PTPRM: variants seen among roughly 807,000 people sequenced by gnomAD.
PTPRM encodes protein tyrosine phosphatase receptor type M.
PTPRM carries 47 observed loss-of-function variants against 186.7 expected under a neutral mutation model. That is an observed-to-expected ratio of 0.25 (90% CI 0.20 to 0.32). The LOEUF is 0.32. Ranked by LOEUF, PTPRM falls within the 10% of genes least tolerant of loss-of-function variation. PTPRM has a pLI of 1.00. For synonymous variants in PTPRM, 668 were observed against 674.9 expected, an observed-to-expected ratio of 0.99 and a Z score of 0.16; for missense variants, 1,494 against 1,865.0, an observed-to-expected ratio of 0.80 and a Z score of 3.66.
intron 1 of PTPRM, among the ~76,000 whole-genome samples, chr18:7,736,406 G>C (rs556604171): frequency 6.6e-6 from 1 of 152,020 alleles, no homozygotes; most frequent in African/African-American, 2.4e-5. Context: ...TGCAACCTCC[G>C]CCTTCTGGGC....
At chr18:8,352,496 T>C (rs2095539461) in intron 23 of PTPRM, among the ~76,000 whole-genome samples, 1 of 152,184 alleles carries the variant, frequency 6.6e-6, no homozygotes, top group Non-Finnish European at 1.5e-5. Flanking sequence ...GTGCCGTGTA[T>C]ACCCAACGTT....
intron 2 of PTPRM, among the ~76,000 whole-genome samples, chr18:7,839,918 G>T (rs1298784330): frequency 6.6e-6 from 1 of 152,170 alleles, no homozygotes; most frequent in South Asian, 2.1e-4. Flanking sequence ...TCCCTTCATG[G>T]GTGGGCATCA....
intron 19 of PTPRM, among the ~76,000 whole-genome samples, chr18:8,291,979 C>G (rs2095048099): frequency 6.6e-6 from 1 of 152,054 alleles, no homozygotes; most frequent in Non-Finnish European, 1.5e-5. Context: ...TGTGGCAGTC[C>G]CGGCTGCAAA....
Position 7,933,476 on chromosome 18 carries a change from T to C in PTPRM, c.663+6793T>C, listed in dbSNP as rs79164632. Among the ~76,000 whole-genome samples the C allele has an allele frequency of 0.016, 2,375 of 151,610 alleles. 189 individuals carry two copies. The East Asian group carries it at 0.27, about 17-fold the overall frequency. Reference sequence around the variant, plus strand: ...TACAAGGAGGCATTAAGTTTGTGTGTGCAAGACATGACAGAAGCTATCCAT... The same window carrying C: ...TACAAGGAGGCATTAAGTTTGTGTGCGCAAGACATGACAGAAGCTATCCAT... On this transcript the variant is annotated intron_variant, in intron 5 of 32. Transcript: ENST00000580170.
intron 20 of PTPRM, among the ~76,000 whole-genome samples, chr18:8,311,976 G>C (rs1012754149): frequency 2.4e-4 from 37 of 152,108 alleles, no homozygotes; most frequent in African/African-American, 8.7e-4. Flanking sequence ...CTGACGAGGG[G>C]GTACAACAGA....
chr18:8,304,755 G>C (rs1379267353), intron 20 of PTPRM, among the ~76,000 whole-genome samples: 2 of 120,758 alleles, frequency 1.7e-5, no homozygotes, highest in African/African-American at 8.6e-5. Flanking sequence ...TTCAAACCCT[G>C]CTAACATTTT....
intron 2 of PTPRM, among the ~76,000 whole-genome samples, chr18:7,852,739 T>G (rs1175136180): frequency 1.3e-5 from 2 of 151,796 alleles, no homozygotes; most frequent in Non-Finnish European, 2.9e-5. Flanking sequence ...ACTTGTATTT[T>G]CAGCTACTCA....
In PTPRM at chr18:8,300,707, C is replaced by T. The variant is rs143668609; in HGVS notation, c.2842+4252C>T. Among the ~76,000 whole-genome samples the T allele has an allele frequency of 4.7e-3, 717 of 152,098 alleles. 5 individuals are homozygous for T. Among genetic ancestry groups the T allele is most frequent in the African/African-American group, 0.017 (693 of 41,510 alleles). ...ACCTCTGGGGCTACGTTTTCTAGCC[C>T]CCACCGCCCTCCATCCCATCCCTTC... On this transcript the variant is annotated intron_variant, in intron 20 of 32. Transcript: ENST00000580170.
At chr18:8,036,931 G>A (rs1486716990) in intron 7 of PTPRM, among the ~76,000 whole-genome samples, 1 of 152,150 alleles carries the variant, frequency 6.6e-6, no homozygotes, top group African/African-American at 2.4e-5. Context: ...GAAAGTTGCT[G>A]TTTACTGGGT....
chr18:8,277,304 T>G (rs1327748803), intron 19 of PTPRM, among the ~76,000 whole-genome samples: 1 of 152,182 alleles, frequency 6.6e-6, no homozygotes, highest in Non-Finnish European at 1.5e-5. Context: ...ATGATGTTGA[T>G]GTTAGGATTT....
In PTPRM at chr18:7,690,212, A is replaced by G. The variant is rs569822240; in HGVS notation, c.74-83937A>G. 2.6e-5 allele frequency among the ~76,000 whole-genome samples: 4 copies of G among 152,342 alleles called. No individual in the cohort carries two copies. The East Asian group carries it at 7.7e-4, about 29-fold the overall frequency. On this transcript the variant is annotated intron_variant, in intron 1 of 32. Coordinates refer to ENST00000580170, the MANE Select transcript of PTPRM (RefSeq NM_001105244.2). ...TCTAGAAGAGCACATGTAAATACAC[A>G]TAGATTCACAATGGCCCTCTTGCTA...
chr18:7,917,889 G>A (rs1048660099), intron 4 of PTPRM, among the ~76,000 whole-genome samples: 1 of 152,026 alleles, frequency 6.6e-6, no homozygotes, highest in Non-Finnish European at 1.5e-5. Context: ...CTATCTTCAT[G>A]AGATCCACTA....
At chr18:7,619,089 G>A (rs2037876526) in intron 1 of PTPRM, among the ~76,000 whole-genome samples, 1 of 152,146 alleles carries the variant, frequency 6.6e-6, no homozygotes, top group South Asian at 2.1e-4. Context: ...GCAATGGGGT[G>A]CTTTATAGCC....
intron 19 of PTPRM, among the ~76,000 whole-genome samples, chr18:8,260,440 AG>A (rs1229238209): frequency 1.3e-5 from 2 of 152,164 alleles, no homozygotes; most frequent in Non-Finnish European, 2.9e-5. Flanking sequence ...CTGGAGCTAC[AG>A]GCATGAACCA....
intron 2 of PTPRM, among the ~76,000 whole-genome samples, chr18:7,839,808 G>A (rs1012213899): frequency 2.6e-5 from 4 of 152,120 alleles, no homozygotes; most frequent in Non-Finnish European, 5.9e-5. Flanking sequence ...TTTCAAGTTT[G>A]GGTTCCAGAG....
rs560980059 is a variant in PTPRM at position 7,631,751 on chromosome 18, G to A, written c.73+63860G>A. 2.9e-3 allele frequency among the ~76,000 whole-genome samples: 441 copies of A among 152,168 alleles called. 4 individuals carry two copies. Among genetic ancestry groups the A allele is most frequent in the African/African-American group, 0.01 (428 of 41,512 alleles). ...TGTGGCCCAGGAAAGCCAAAAGACC[G>A]GGCACCCCTGGTCTAGAGATACAGA... On this transcript the variant is annotated intron_variant, in intron 1 of 32. Transcript: ENST00000580170.
intron 4 of PTPRM, among the ~76,000 whole-genome samples, chr18:7,906,801 G>C (rs2050008271): frequency 6.6e-6 from 1 of 152,188 alleles, no homozygotes; most frequent in Non-Finnish European, 1.5e-5. Flanking sequence ...GTTCAGGAAT[G>C]GGGAATCAAG....
At chr18:8,040,014 T>C (rs2086592041) in intron 7 of PTPRM, among the ~76,000 whole-genome samples, 1 of 152,204 alleles carries the variant, frequency 6.6e-6, no homozygotes, top group Admixed American at 6.5e-5. Flanking sequence ...AAGTTACGGT[T>C]AGACATTTCA....
intron 1 of PTPRM, among the ~76,000 whole-genome samples, chr18:7,585,292 T>G (rs2036949645): frequency 6.6e-6 from 1 of 152,222 alleles, no homozygotes; most frequent in African/African-American, 2.4e-5. Context: ...ACGGGATGTC[T>G]TCTAAGCAAG....
Sources: allele counts gnomAD v4.1 joint callset (sites outside exome capture counted in the v4.1 genomes callset), GRCh38; gene constraint gnomAD v4.1.1; transcripts MANE v1.5; gene names NCBI Gene and HGNC (gene_info 2026-07-23, HGNC 2026-07-21).